The following CCN5 variants were observed in gnomAD, a reference collection of about 807,000 sequenced individuals.
The protein encoded by CCN5 is CCN family member 5.
CCN5 carries 17 observed loss-of-function variants against 18.7 expected under a neutral mutation model. That is an observed-to-expected ratio of 0.91 (90% CI 0.62 to 1.36). The LOEUF is 1.36. CCN5 is among the 40% of genes most tolerant of loss of function. CCN5 has a pLI of 0.00. For synonymous variants in CCN5, 135 were observed against 145.2 expected, an observed-to-expected ratio of 0.93 and a Z score of 0.50; for missense variants, 367 against 342.9, an observed-to-expected ratio of 1.07 and a Z score of -0.56.
Position 44,715,415 on chromosome 20 carries a change from C to A in CCN5, c.25C>A (p.Leu9Ile). 6.2e-7 allele frequency: 1 copy of A among 1,603,514 alleles called. No homozygotes were observed. ...CATGAGAGGCACACCGAAGACCCAC[C>A]TCCTGGCCTTCTCCCTCCTCTGCCT... MRGTPKTH[L>I]LAFSLLCLLS... Residue 9 changes from leucine to isoleucine, a missense_variant, in exon 1 of 4, where the codon CTC (leucine) becomes ATC (isoleucine). Physicochemically the swap from Leu to Ile is conservative, Grantham distance 5. Transcript: ENST00000190983.
At chr20:44,715,278 CGCGTGT>C (rs1264074401), upstream of CCN5, 1,209 of 777,702 alleles carry the variant, frequency 1.6e-3, 13 homozygotes, top group African/African-American at 6.5e-3. Flanking sequence ...CGCGCGCGCG[CGCGTGT>C]GTACTCGTGC....
chr20:44,715,627 G>A (rs1443143828), intron 1 of CCN5, among the ~76,000 whole-genome samples, 177 bp downstream of exon 1: 1 of 152,188 alleles, frequency 6.6e-6, no homozygotes, highest in East Asian at 1.9e-4. Flanking sequence ...AGCTGCCTCC[G>A]GCCAGCCCTG....
upstream of CCN5, chr20:44,715,250 T>TGTGTGTGC (rs1161259793): frequency 7.2e-6 from 4 of 554,928 alleles, no homozygotes; most frequent in African/African-American, 9.3e-5. Flanking sequence ...TGTGTGTGTG[T>TGTGTGTGC]GTGTGTGTGT....
At position 44,727,295 on chromosome 20, in the gene CCN5, C is replaced by G. The variant is rs1433810964; in HGVS notation, c.741C>G (p.Asn247Lys). ...CPPSRGRSPQNSAF is the reference protein window; with the variant it reads ...CPPSRGRSPQKSAF ...CCTCCAGGGGTCGCAGTCCACAAAA[C>G]AGTGCCTTCTAGAGCCGGGCTGGGA... The change falls in exon 4 of 4, where the codon AAC becomes AAG. Residue 247 changes from asparagine (N) to lysine (K), a missense_variant. Asn to Lys is a moderately conservative substitution (Grantham distance 94, BLOSUM62 0). Coordinates refer to ENST00000190983, the MANE Select transcript of CCN5 (RefSeq NM_003881.4). 6.2e-7 allele frequency: 1 copy of G among 1,611,480 alleles called. No homozygotes were observed. The highest frequency in any genetic ancestry group is 2.2e-5 in the East Asian group (1 of 44,830).
intron 2 of CCN5, chr20:44,720,345 A>G (rs1600991231): frequency 5.5e-6 from 3 of 542,330 alleles, no homozygotes; most frequent in African/African-American, 3.9e-5. Context: ...CCCCATCCCT[A>G]CCTGTCCAAA....
intron 1 of CCN5, among the ~76,000 whole-genome samples, chr20:44,716,302 G>C (rs1276607577): frequency 1.3e-5 from 2 of 152,124 alleles, no homozygotes; most frequent in African/African-American, 2.4e-5. Context: ...TCATCCCCTC[G>C]GCAAATGCTG....
At chr20:44,718,572 G>C (rs972503116) in intron 1 of CCN5, among the ~76,000 whole-genome samples, 2 of 152,166 alleles carry the variant, frequency 1.3e-5, no homozygotes, top group Admixed American at 1.3e-4. Flanking sequence ...TTGTTTCTCT[G>C]ATGTGGGTGG....
chr20:44,725,058 T>C, intron 3 of CCN5, 66 bp downstream of exon 3: 1 of 1,452,570 alleles, frequency 6.9e-7, no homozygotes, highest in Non-Finnish European at 9.0e-7. Context: ...ACCTAGGGGG[T>C]GGGGTGGGGG....
At chr20:44,723,202 G>C (rs1425838236) in intron 2 of CCN5, among the ~76,000 whole-genome samples, 2 of 152,090 alleles carry the variant, frequency 1.3e-5, no homozygotes, top group Non-Finnish European at 2.9e-5. Context: ...TGCACTGGCT[G>C]TTCCCTCTAC....
At chr20:44,717,834 G>A (rs913889880) in intron 1 of CCN5, among the ~76,000 whole-genome samples, 1 of 150,332 alleles carries the variant, frequency 6.7e-6, no homozygotes, top group Non-Finnish European at 1.5e-5. Context: ...AGTCGAGATC[G>A]TGCCACTGCA....
intron 2 of CCN5, chr20:44,721,435 C>G (rs1184113882): frequency 6.8e-6 from 1 of 146,348 alleles, no homozygotes; most frequent in Non-Finnish European, 1.5e-5. Flanking sequence ...TCGCTTGAGC[C>G]TGGGTGTTTG....
At chr20:44,720,182 C>A in intron 2 of CCN5, 69 bp downstream of exon 2, 1 of 1,463,826 alleles carries the variant, frequency 6.8e-7, no homozygotes, top group African/African-American at 1.4e-5. Context: ...TGTCCTGGAT[C>A]AAAGTGCAGC....
In CCN5 at chr20:44,724,868, G is replaced by A; in HGVS notation, c.408G>A (p.Glu136=). The A allele has an allele frequency of 1.3e-6, 2 of 1,595,934 alleles. No homozygotes were observed. The highest frequency in any genetic ancestry group is 2.3e-5 in the South Asian group (2 of 88,350). Residue 136 remains glutamate, a synonymous_variant, in exon 3 of 4, where the codon GAG becomes GAA. Coordinates refer to ENST00000190983, the MANE Select transcript of CCN5 (RefSeq NM_003881.4). The stretch of plus-strand genomic sequence containing the variant: ...TCACCTGCGTGCCGCTGTGCAGCGA[G>A]GATGTGCGGCTGCCCAGCTGGGACT... The part of the protein sequence containing the change: ...GGFTCVPLCS[E]DVRLPSWDCP...
At chr20:44,719,823 A>G in intron 1 of CCN5, 74 bp from the exon 2 acceptor site, 1 of 1,475,248 alleles carries the variant, frequency 6.8e-7, no homozygotes, top group Non-Finnish European at 9.2e-7. Flanking sequence ...AGCCTGGCAG[A>G]GAAGTGGCTG....
chr20:44,715,476 C>T (rs1274815035), intron 1 of CCN5, 26 bp downstream of exon 1: 2 of 1,577,814 alleles, frequency 1.3e-6, no homozygotes, highest in Non-Finnish European at 1.7e-6. Flanking sequence ...CCCTGGAATG[C>T]ACTGCTGACT....
At chr20:44,722,737 G>A (rs1478689877) in intron 2 of CCN5, among the ~76,000 whole-genome samples, 1 of 152,004 alleles carries the variant, frequency 6.6e-6, no homozygotes, top group African/African-American at 2.4e-5. Context: ...GCCTCCCTAA[G>A]TGCTGGGATT....
chr20:44,726,622 G>A (rs1389206739), intron 3 of CCN5, among the ~76,000 whole-genome samples: 2 of 152,082 alleles, frequency 1.3e-5, no homozygotes, highest in Non-Finnish European at 2.9e-5. Flanking sequence ...CTAGAAGGAA[G>A]GACACCAAAA....
At position 44,720,096 on chromosome 20, in the gene CCN5, G is replaced by A. The variant is rs755946804; in HGVS notation, c.260G>A (p.Arg87Gln). The change falls in exon 2 of 4, where the codon CGG becomes CAG. Residue 87 changes from arginine to glutamine, a missense_variant. Transcript: ENST00000190983. ...CAGCCCGGGGCAGGACCCGGTGGCC[G>A]GGGGGCCCTGTGCCTCTGTAAGCAG... ...VCQPGAGPGG[R>Q]GALCLLAEDD... The A allele has an allele frequency of 8.9e-5, 138 of 1,549,342 alleles. No homozygotes were observed. The South Asian group carries it at 1.0e-3, about 11-fold the overall frequency.
intron 1 of CCN5, 38 bp from the exon 2 acceptor site, chr20:44,719,859 C>T (rs748883355): frequency 2.1e-5 from 33 of 1,592,284 alleles, no homozygotes; most frequent in South Asian, 4.5e-5. Flanking sequence ...CTGCCCACCT[C>T]GAAAGCCCGT....
Sources: allele counts gnomAD v4.1 joint callset (sites outside exome capture counted in the v4.1 genomes callset), GRCh38; gene constraint gnomAD v4.1.1; transcripts MANE v1.5; gene names NCBI Gene and HGNC (gene_info 2026-07-23, HGNC 2026-07-21).